AFG2A: variants seen among roughly 807,000 people sequenced by gnomAD.
AFG2A encodes the protein ATPase family gene 2 protein homolog A.
At chr4:123,143,230 A>G in the AFG2A span, among the ~76,000 whole-genome samples, 1 of 151,976 alleles carries the variant, frequency 6.6e-6, no homozygotes, top group Non-Finnish European at 1.5e-5. Context: ...CTTTAGCACT[A>G]AAATTTTTAA....
the AFG2A span, among the ~76,000 whole-genome samples, chr4:123,215,696 C>T: frequency 1.4e-5 from 2 of 145,138 alleles, no homozygotes; most frequent in Admixed American, 6.8e-5. Flanking sequence ...TTCCTACCTT[C>T]CCTCCACACC....
At chr4:122,947,578 A>T in the AFG2A span, 1 of 1,312,682 alleles carries the variant, frequency 7.6e-7, no homozygotes, top group Non-Finnish European at 9.9e-7. Context: ...CAGATTTCTT[A>T]ATGGAAGTAG....
the AFG2A span, among the ~76,000 whole-genome samples, chr4:123,161,628 T>A: frequency 6.6e-6 from 1 of 152,088 alleles, no homozygotes; most frequent in Admixed American, 6.6e-5. Flanking sequence ...GAAGTTGAAA[T>A]CACATTATGG....
the AFG2A span, among the ~76,000 whole-genome samples, chr4:123,297,835 A>G: frequency 2.0e-5 from 3 of 152,208 alleles, no homozygotes; most frequent in African/African-American, 7.2e-5. Flanking sequence ...CCAAAATGGC[A>G]CCTTTGCAAT....
chr4:122,952,223 A>G, the AFG2A span, among the ~76,000 whole-genome samples: 5 of 152,250 alleles, frequency 3.3e-5, no homozygotes, highest in African/African-American at 1.2e-4. Context: ...CTAAAGGCGC[A>G]TATGTATGTC....
chr4:123,266,817 C>T, the AFG2A span, among the ~76,000 whole-genome samples: 122 of 151,922 alleles, frequency 8.0e-4, 1 homozygote, highest in African/African-American at 2.6e-3. Context: ...TTATTCCTAA[C>T]TTTTTTTACA....
At chr4:123,199,465 T>TG in the AFG2A span, among the ~76,000 whole-genome samples, 1 of 123,116 alleles carries the variant, frequency 8.1e-6, no homozygotes, top group Non-Finnish European at 1.7e-5. Flanking sequence ...CTCAGAGGTT[T>TG]TTTTTTTTTT....
the AFG2A span, among the ~76,000 whole-genome samples, chr4:123,147,219 T>C: frequency 6.6e-6 from 1 of 152,178 alleles, no homozygotes; most frequent in Admixed American, 6.5e-5. Context: ...ATAGGAATGA[T>C]AGTTTAAGGA....
the AFG2A span, among the ~76,000 whole-genome samples, chr4:123,091,486 C>T: frequency 6.6e-6 from 1 of 152,216 alleles, no homozygotes; most frequent in East Asian, 1.9e-4. Flanking sequence ...TTTATTCTTC[C>T]AGAGTTTTCA....
the AFG2A span, among the ~76,000 whole-genome samples, chr4:123,132,597 C>CATATAT: frequency 8.0e-3 from 1,124 of 140,288 alleles, 8 homozygotes; most frequent in African/African-American, 0.017. Flanking sequence ...GATGTGTGTA[C>CATATAT]ATATATATAT....
the AFG2A span, among the ~76,000 whole-genome samples, chr4:122,961,161 T>C: frequency 1.3e-5 from 2 of 152,348 alleles, no homozygotes; most frequent in Non-Finnish European, 2.9e-5. Flanking sequence ...TTTAGTAATA[T>C]AGCCTGGCAG....
the AFG2A span, among the ~76,000 whole-genome samples, chr4:122,923,819 A>ACAC: frequency 1.3e-5 from 2 of 152,188 alleles, no homozygotes; most frequent in African/African-American, 4.8e-5. Flanking sequence ...AGAAGCCGTG[A>ACAC]CCGATGGGTA....
the AFG2A span, among the ~76,000 whole-genome samples, chr4:122,963,055 A>G: frequency 5.7e-3 from 874 of 152,328 alleles, 5 homozygotes; most frequent in Middle Eastern, 0.034. Context: ...TGTAGAAAGA[A>G]TGAAATCACT....
the AFG2A span, among the ~76,000 whole-genome samples, chr4:122,995,469 G>GA: frequency 6.6e-6 from 1 of 152,100 alleles, no homozygotes; most frequent in Non-Finnish European, 1.5e-5. Flanking sequence ...TTTTTACCAG[G>GA]AAATAGTGCC....
the AFG2A span, among the ~76,000 whole-genome samples, chr4:123,262,778 G>A: frequency 6.6e-6 from 1 of 152,178 alleles, no homozygotes; most frequent in East Asian, 1.9e-4. Flanking sequence ...AATTTAGAAT[G>A]AAAAGTATAA....
chr4:123,257,472 C>T, the AFG2A span, among the ~76,000 whole-genome samples: 1 of 152,088 alleles, frequency 6.6e-6, no homozygotes. Flanking sequence ...GGACATAGCC[C>T]CATCATAAGT....
the AFG2A span, among the ~76,000 whole-genome samples, chr4:122,955,690 T>C: frequency 2.0e-5 from 3 of 152,222 alleles, no homozygotes; most frequent in Non-Finnish European, 2.9e-5. Flanking sequence ...ATCTTACTGT[T>C]GGTGGAGAAA....
At chr4:123,210,042 T>C in the AFG2A span, among the ~76,000 whole-genome samples, 62 of 152,288 alleles carry the variant, frequency 4.1e-4, no homozygotes, top group African/African-American at 1.5e-3. Context: ...AAATATTCCC[T>C]AAGTTGATTT....
the AFG2A span, among the ~76,000 whole-genome samples, chr4:122,962,018 G>A: frequency 4.9e-4 from 75 of 152,328 alleles, no homozygotes; most frequent in African/African-American, 1.7e-3. Flanking sequence ...GATGATATCC[G>A]GATGAAACTG....
Sources: gnomAD v4.1 joint callset for allele counts (sites outside exome capture counted in the v4.1 genomes callset) on GRCh38, gnomAD v4.1.1 for gene constraint, MANE v1.5 for transcripts, NCBI Gene and HGNC (gene_info 2026-07-23, HGNC 2026-07-21) for gene names.